Variants in A2M observed in about 807,000 individuals in gnomAD.
The protein encoded by A2M is C3 and PZP-like alpha-2-macroglobulin domain-containing protein 5.
In A2M, 128 loss-of-function variants were observed where a neutral mutation model predicts 183.9. The ratio of observed to expected loss-of-function variants is 0.70; its 90% CI spans 0.60 to 0.81. A2M has a LOEUF of 0.81. A2M is among the 30% of genes least tolerant of loss of function. A2M has a pLI of 0.00. For missense variants in A2M, 1,495 were observed against 1,787.6 expected (o/e 0.84, Z 2.95); for synonymous variants, 592 against 670.8 (o/e 0.88, Z 1.81).
chr12:9,112,611 C>T (rs1938824989), intron 2 of A2M, 75 bp from the exon 3 acceptor site: 3 of 1,525,486 alleles, frequency 2.0e-6, no homozygotes, highest in Admixed American at 3.5e-5. Context: ...TTGCACTCTT[C>T]CCTGGAGATC....
In A2M at chr12:9,101,439, C is replaced by T; in HGVS notation, c.1494+8G>A. The T allele has an allele frequency of 6.2e-7, 1 of 1,609,640 alleles. No individual in the cohort carries two copies. Among genetic ancestry groups the T allele is most frequent in the African/African-American group, 1.3e-5 (1 of 74,938 alleles). On this transcript the variant is annotated splice_region_variant and intron_variant, in intron 12 of 35. Coordinates refer to ENST00000318602, the MANE Select transcript of A2M (RefSeq NM_000014.6). ...CAGTGAAGTCAACGCAGTAACCTCC[C>T]TTCTCACCAGATAATAGAAGGAGAG...
intron 19 of A2M, 171 bp from the exon 20 acceptor site, chr12:9,090,653 G>C (rs1949182897): frequency 3.1e-6 from 2 of 646,026 alleles, no homozygotes; most frequent in Non-Finnish European, 5.1e-6. Flanking sequence ...TAATGTATCA[G>C]ATTTACACAG....
At chr12:9,114,062 A>T (rs1057476169) in intron 1 of A2M, among the ~76,000 whole-genome samples, 2 of 152,206 alleles carry the variant, frequency 1.3e-5, no homozygotes, top group African/African-American at 4.8e-5. Context: ...CCTCAAAGAA[A>T]GTGAGCCATT....
chr12:9,083,754 GA>G (rs58917708), intron 22 of A2M, among the ~76,000 whole-genome samples: 55,362 of 142,314 alleles, frequency 0.39, 11,015 homozygotes, highest in African/African-American at 0.49. Flanking sequence ...TATAGAATCA[GA>G]AAAAAAAAAA....
chr12:9,107,441 C>T (rs1938379375), intron 8 of A2M, 83 bp downstream of exon 8: 1 of 1,525,270 alleles, frequency 6.6e-7, no homozygotes, highest in Admixed American at 1.9e-5. Context: ...TGTTCTCTTC[C>T]TGCGTCAGAA....
intron 19 of A2M, among the ~76,000 whole-genome samples, chr12:9,090,958 A>G (rs1949192673): frequency 6.6e-6 from 1 of 152,176 alleles, no homozygotes. Context: ...TAGAGTACTG[A>G]CTTTTGTCAC....
In A2M at chr12:9,074,551, A is replaced by G. The variant is rs760526078; in HGVS notation, c.3756+9T>C. ...AAGGTGAAATAAAAGGTTTTGGCAA[A>G]TCACCAACCTGGGTGGAGGAGAAAC... is the stretch of plus-strand genomic sequence containing the variant. On this transcript the variant is annotated intron_variant, in intron 29 of 35. Coordinates refer to ENST00000318602, the MANE Select transcript of A2M (RefSeq NM_000014.6). 1.3e-6 allele frequency: 2 copies of G among 1,599,998 alleles called. No homozygotes were observed. The highest frequency in any genetic ancestry group is 1.1e-5 in the South Asian group (1 of 88,654).
chr12:9,069,738 C>G lies in A2M; in HGVS notation c.4263+7G>C. 6.2e-7 allele frequency: 1 copy of G among 1,608,936 alleles called. No individual in the cohort carries two copies. Among genetic ancestry groups the G allele is most frequent in the Non-Finnish European group, 8.5e-7 (1 of 1,176,566 alleles). On this transcript the variant is annotated splice_region_variant and intron_variant, in intron 33 of 35. Transcript: ENST00000318602. ...TTTTTTTGCAAATAGACTGGAAGTTCTCTTACCTTATCAAGGTAAATCAAG... is the reference window on the plus strand; with the variant it reads ...TTTTTTTGCAAATAGACTGGAAGTTGTCTTACCTTATCAAGGTAAATCAAG...
Position 9,109,998 on chromosome 12 carries a change from A to G in A2M, c.542T>C (p.Phe181Ser), listed in dbSNP as rs1042685386. The change falls in exon 6 of 36, where the codon TTC becomes TCC. Residue 181 changes from phenylalanine (F) to serine (S), a missense_variant. Phe to Ser is a radical substitution (Grantham distance 155, BLOSUM62 -2). Coordinates refer to ENST00000318602, the MANE Select transcript of A2M (RefSeq NM_000014.6). ...TTGCTTGAGGCCACCCTCTAACTGG[A>G]AACTCTGCCATTGTGCGATGCGATT... is the stretch of plus-strand genomic sequence containing the variant. The part of the protein sequence containing the change: ...KGNRIAQWQS[F>S]QLEGGLKQFS... 9.3e-6 allele frequency: 15 copies of G among 1,613,548 alleles called. No homozygotes were observed. Among genetic ancestry groups the G allele is most frequent in the Non-Finnish European group, 1.3e-5 (15 of 1,179,758 alleles).
chr12:9,070,710 T>A (rs1317401942), intron 31 of A2M, 132 bp from the exon 32 acceptor site: 11 of 637,300 alleles, frequency 1.7e-5, no homozygotes, highest in Admixed American at 6.0e-5. Flanking sequence ...ATCCCAGTGG[T>A]TTGTAAAAGT....
At chr12:9,094,854 T>A (rs1949325717) in intron 17 of A2M, 119 bp downstream of exon 17, 4 of 482,696 alleles carry the variant, frequency 8.3e-6, no homozygotes, top group Non-Finnish European at 1.4e-5. Flanking sequence ...GCAATAACCT[T>A]AATATGTATG....
intron 6 of A2M, 98 bp downstream of exon 6, chr12:9,109,769 C>G: frequency 8.2e-7 from 1 of 1,212,850 alleles, no homozygotes; most frequent in Non-Finnish European, 1.1e-6. Context: ...CAATGTCACC[C>G]ATGGGAAATG....
At chr12:9,071,877 G>GT (rs201348080) in intron 31 of A2M, among the ~76,000 whole-genome samples, 149 of 152,254 alleles carry the variant, frequency 9.8e-4, no homozygotes, top group East Asian at 4.6e-3. Context: ...TGGAGAGAGA[G>GT]TTTTTTATCA....
intron 4 of A2M, 79 bp from the exon 5 acceptor site, chr12:9,110,413 A>ACTAGCTGC: frequency 3.5e-6 from 3 of 850,928 alleles, no homozygotes; most frequent in Non-Finnish European, 5.3e-6. Flanking sequence ...AGCAGCTAGT[A>ACTAGCTGC]TTTGCTAGCA....
rs1444088609 is a variant in A2M, at chr12:9,077,752, C to G, written c.3225G>C (p.Lys1075Asn). ...QALIWLSQRQ[K>N]DNGCFRSSGS... ...CAGAGCTCCTGAAACAGCCATTGTC[C>G]TTCTGCCTCTGGGAGAGCCATATGA... Residue 1075 changes from lysine (K) to asparagine (N), a missense_variant, in exon 26 of 36, where the codon AAG becomes AAC. By Grantham distance (94) the Lys-to-Asn change is moderately conservative (BLOSUM62 0). Transcript: ENST00000318602. 2 of 1,614,172 alleles carry G rather than the reference C, an allele frequency of 1.2e-6. No homozygotes were observed. Among genetic ancestry groups the G allele is most frequent in the South Asian group, 2.2e-5 (2 of 91,086 alleles).
At position 9,079,813 on chromosome 12, in the gene A2M, C is replaced by G; in HGVS notation, c.2857G>C (p.Asp953His). The G allele has an allele frequency of 6.3e-7, 1 of 1,594,158 alleles. No individual in the cohort carries two copies. Among genetic ancestry groups the G allele is most frequent in the Non-Finnish European group, 8.5e-7 (1 of 1,171,010 alleles). Residue 953 changes from aspartate to histidine, a missense_variant and splice_region_variant, in exon 24 of 36, where the codon GAC (aspartate) becomes CAC (histidine). Asp to His is a moderately conservative substitution (Grantham distance 81). Coordinates refer to ENST00000318602, the MANE Select transcript of A2M (RefSeq NM_000014.6). Reference sequence around the variant, plus strand: ...TTTTGCATGGCAGAGCCTAATATGTCTCCTAGAGAATGGGAGAGATGGGAA... The same window carrying G: ...TTTTGCATGGCAGAGCCTAATATGTGTCCTAGAGAATGGGAGAGATGGGAA... ...SARASVSVLGDILGSAMQNTQ... is the reference protein window; with the variant it reads ...SARASVSVLGHILGSAMQNTQ...
chr12:9,067,741 T>A lies in A2M; in HGVS notation c.*82A>T. The A allele has an allele frequency of 7.9e-7, 1 of 1,261,168 alleles. No individual in the cohort carries two copies. Among genetic ancestry groups the A allele is most frequent in the South Asian group, 1.2e-5 (1 of 80,180 alleles). The allele number at this position is 1,261,168 out of a possible 1,614,324, so 78.1% of individuals were successfully genotyped here. A position where few individuals can be genotyped will look rare whatever the true frequency, so the allele number is the denominator to read the frequency against. On this transcript the variant is annotated 3_prime_UTR_variant, in exon 36 of 36. Coordinates refer to ENST00000318602, the MANE Select transcript of A2M (RefSeq NM_000014.6). ...CCAGAAAAAGTGTTTATTCATCAAG[T>A]CTTTAAAGATACAAAAACACGTGTC...
intron 2 of A2M, among the ~76,000 whole-genome samples, chr12:9,113,118 T>TTC (rs1938869662): frequency 7.2e-6 from 1 of 139,832 alleles, no homozygotes; most frequent in Non-Finnish European, 1.6e-5. Flanking sequence ...TTTTTTTTTT[T>TTC]CCTTTCTGGC....
chr12:9,096,284 C>T (rs1949379195), intron 15 of A2M, among the ~76,000 whole-genome samples: 1 of 152,182 alleles, frequency 6.6e-6, no homozygotes, highest in South Asian at 2.1e-4. Flanking sequence ...CAGAGGCCAC[C>T]ACTAGACTCA....
Sources: gnomAD v4.1 joint callset for allele counts (sites outside exome capture counted in the v4.1 genomes callset) on GRCh38, gnomAD v4.1.1 for gene constraint, MANE v1.5 for transcripts, NCBI Gene and HGNC (gene_info 2026-07-23, HGNC 2026-07-21) for gene names.